Variants in FBXO36 observed in about 807,000 individuals in gnomAD.
The protein encoded by FBXO36 is F-box protein 36.
FBXO36 carries 18 observed loss-of-function variants against 17.0 expected under a neutral mutation model. The ratio of observed to expected loss-of-function variants is 1.06; its 90% CI spans 0.73 to 1.57. FBXO36 has a LOEUF of 1.57. Among genes scored for constraint, FBXO36 ranks in the 40% most tolerant of loss-of-function variants. The pLI is 0.00. For synonymous variants in FBXO36, 83 were observed against 85.3 expected, an observed-to-expected ratio of 0.97 and a Z score of 0.15; for missense variants, 229 against 221.9, an observed-to-expected ratio of 1.03 and a Z score of -0.20.
At chr2:229,925,555 T>C (rs1366359548) in intron 1 of FBXO36, among the ~76,000 whole-genome samples, 4 of 152,200 alleles carry the variant, frequency 2.6e-5, no homozygotes, top group Non-Finnish European at 5.9e-5. Context: ...CTGTCTTTAT[T>C]TTTTTAATGT....
At chr2:229,956,638 C>T (rs538109423) in intron 1 of FBXO36, among the ~76,000 whole-genome samples, 2 of 152,238 alleles carry the variant, frequency 1.3e-5, no homozygotes, top group South Asian at 4.1e-4. Context: ...TGTGGTAAGT[C>T]AGTCTCCCTA....
At chr2:229,977,737 A>C (rs2077217308) in intron 2 of FBXO36, among the ~76,000 whole-genome samples, 1 of 152,202 alleles carries the variant, frequency 6.6e-6, no homozygotes, top group South Asian at 2.1e-4. Flanking sequence ...GGCGTGAGCC[A>C]CTGCACCCGG....
At chr2:229,991,295 C>T (rs1560452496) in intron 2 of FBXO36, among the ~76,000 whole-genome samples, 1 of 152,072 alleles carries the variant, frequency 6.6e-6, no homozygotes. Context: ...CAAATGTTTC[C>T]CAGGATTATG....
At chr2:229,968,244 C>T (rs1236511589) in intron 1 of FBXO36, among the ~76,000 whole-genome samples, 1 of 151,140 alleles carries the variant, frequency 6.6e-6, no homozygotes, top group Non-Finnish European at 1.5e-5. Context: ...ATGTATTTTC[C>T]CTTAAACTTT....
At chr2:229,998,947 T>C (rs921340432) in intron 3 of FBXO36, among the ~76,000 whole-genome samples, 46 of 148,476 alleles carry the variant, frequency 3.1e-4, no homozygotes, top group African/African-American at 1.1e-3. Flanking sequence ...GGACTACAGG[T>C]GCCCGCCACC....
In FBXO36 at chr2:229,981,719, AAAG is replaced by A. The variant is rs1454369901; in HGVS notation, c.205+5373_205+5375del. Among the ~76,000 whole-genome samples, 594 of 85,016 alleles carry A rather than the reference AAAG, an allele frequency of 7.0e-3. 7 individuals are homozygous for A. Among genetic ancestry groups the A allele is most frequent in the Non-Finnish European group, 0.011 (316 of 28,714 alleles). 55.8% of individuals were successfully genotyped at this position (85,016 alleles called of 152,430 possible). The stretch of plus-strand genomic sequence containing the variant: ...CCTGTCTCAAAAAAAAAAAAAAAAG[AAAG>A]AAAGAAAAAGGAAAAGAAAAAAAAA... On this transcript the variant is annotated intron_variant, in intron 2 of 3. Coordinates refer to ENST00000283946, the MANE Select transcript of FBXO36 (RefSeq NM_174899.5).
At chr2:229,991,389 A>G (rs1177226450) in intron 2 of FBXO36, among the ~76,000 whole-genome samples, 2 of 152,174 alleles carry the variant, frequency 1.3e-5, no homozygotes, top group African/African-American at 4.8e-5. Flanking sequence ...CCTCTAAGGA[A>G]GTAATTAAGG....
At chr2:230,008,284 A>G (rs2077397399) in intron 3 of FBXO36, among the ~76,000 whole-genome samples, 1 of 152,102 alleles carries the variant, frequency 6.6e-6, no homozygotes, top group African/African-American at 2.4e-5. Flanking sequence ...GCAAAGGGAG[A>G]GGTTTTAAAT....
At chr2:230,002,997 G>A (rs2077367965) in intron 3 of FBXO36, among the ~76,000 whole-genome samples, 1 of 151,900 alleles carries the variant, frequency 6.6e-6, no homozygotes, top group South Asian at 2.1e-4. Flanking sequence ...TGGATCACGA[G>A]GTCAGGAGAT....
chr2:230,004,039 A>G (rs1577365575), intron 3 of FBXO36, among the ~76,000 whole-genome samples: 2 of 152,128 alleles, frequency 1.3e-5, no homozygotes, highest in South Asian at 4.1e-4. Flanking sequence ...CGTAGCCAGC[A>G]CAGCCACGGG....
chr2:229,928,579 C>T (rs1384514706), intron 1 of FBXO36, among the ~76,000 whole-genome samples: 6 of 152,144 alleles, frequency 3.9e-5, no homozygotes. Flanking sequence ...CTTTCACCCA[C>T]CTCCCTCATT....
At chr2:229,960,561 G>A (rs1275866948) in intron 1 of FBXO36, among the ~76,000 whole-genome samples, 2 of 152,146 alleles carry the variant, frequency 1.3e-5, no homozygotes, top group Admixed American at 6.5e-5. Context: ...TGCCGTCATA[G>A]CTCACTGCAG....
chr2:229,952,344 A>T (rs1328174361), intron 1 of FBXO36, among the ~76,000 whole-genome samples: 7 of 152,202 alleles, frequency 4.6e-5, no homozygotes, highest in Non-Finnish European at 1.0e-4. Flanking sequence ...AAGCCCAAAC[A>T]TTGGGTAGAG....
chr2:229,959,944 T>TA (rs2106181128), intron 1 of FBXO36, among the ~76,000 whole-genome samples: 1 of 152,232 alleles, frequency 6.6e-6, no homozygotes, highest in East Asian at 1.9e-4. Context: ...AGTGTACAGT[T>TA]AAAATAACAG....
chr2:229,935,728 TCAG>T (rs2076960534), intron 1 of FBXO36, among the ~76,000 whole-genome samples: 1 of 152,150 alleles, frequency 6.6e-6, no homozygotes, highest in South Asian at 2.1e-4. Flanking sequence ...TATCCTAAAA[TCAG>T]CAGCAAGAAT....
intron 1 of FBXO36, among the ~76,000 whole-genome samples, chr2:229,971,762 C>T (rs1029513078): frequency 6.6e-6 from 1 of 151,886 alleles, no homozygotes; most frequent in African/African-American, 2.4e-5. Context: ...AATCATGGCT[C>T]ACCACGGCCT....
intron 1 of FBXO36, among the ~76,000 whole-genome samples, chr2:229,929,508 G>C (rs1203185802): frequency 6.6e-6 from 1 of 152,018 alleles, no homozygotes; most frequent in African/African-American, 2.4e-5. Flanking sequence ...GAAGCTTGCA[G>C]TGAGCTGAGA....
intron 3 of FBXO36, among the ~76,000 whole-genome samples, chr2:229,998,314 A>G (rs1054588281): frequency 1.3e-5 from 2 of 152,212 alleles, no homozygotes; most frequent in Non-Finnish European, 2.9e-5. Flanking sequence ...TCCACAGTAC[A>G]TTTTTAAAAA....
At chr2:229,987,211 CAAAA>C (rs78504298) in intron 2 of FBXO36, among the ~76,000 whole-genome samples, 5 of 90,738 alleles carry the variant, frequency 5.5e-5, no homozygotes, top group South Asian at 3.4e-4. Flanking sequence ...GACTCCATCT[CAAAA>C]AAAAAAAAAA....
Sources: allele counts gnomAD v4.1 joint callset (sites outside exome capture counted in the v4.1 genomes callset), GRCh38; gene constraint gnomAD v4.1.1; transcripts MANE v1.5; gene names NCBI Gene and HGNC (gene_info 2026-07-23, HGNC 2026-07-21).